CHN2: variants seen among roughly 807,000 people sequenced by gnomAD.
The protein encoded by CHN2 is chimerin 2.
Under a neutral mutation model 56.3 loss-of-function variants are expected in CHN2, and 35 were observed. That is an observed-to-expected ratio of 0.62 (90% CI 0.47 to 0.82). The LOEUF is 0.82. Among genes scored for constraint, CHN2 ranks in the 40% least tolerant of loss-of-function variants. The pLI is 0.00. For missense variants in CHN2, 491 were observed against 580.5 expected, an observed-to-expected ratio of 0.85 and a Z score of 1.58; for synonymous variants, 210 against 212.8, an observed-to-expected ratio of 0.99 and a Z score of 0.12.
In CHN2 at chr7:29,432,750, C is replaced by T. The variant is rs112732484; in HGVS notation, c.576+31922C>T. On this transcript the variant is annotated intron_variant, in intron 6 of 12. Coordinates refer to ENST00000222792, the MANE Select transcript of CHN2 (RefSeq NM_004067.4). ...CCTGGATTATTTTGGACTAGCTATG[C>T]GTCACGGGTAATCCTGGTTTATCTC... Among the ~76,000 whole-genome samples the T allele has an allele frequency of 8.6e-3, 1,306 of 152,326 alleles. 6 individuals are homozygous for T. The highest frequency in any genetic ancestry group is 0.015 in the Non-Finnish European group (1,009 of 68,036).
chr7:29,512,532 T>C (rs1286570614), intron 12 of CHN2, 32 bp from the exon 13 acceptor site: 1 of 1,573,826 alleles, frequency 6.4e-7, no homozygotes, highest in East Asian at 2.3e-5. Flanking sequence ...CAAGTCTCCA[T>C]AATGTCTCTG....
chr7:29,254,917 A>G (rs1402080132), intron 1 of CHN2, among the ~76,000 whole-genome samples: 2 of 152,202 alleles, frequency 1.3e-5, no homozygotes, highest in Non-Finnish European at 2.9e-5. Flanking sequence ...AGAGTGCTCA[A>G]CTAGCAACAC....
At chr7:29,360,937 T>G (rs971971673) in intron 2 of CHN2, among the ~76,000 whole-genome samples, 3 of 152,232 alleles carry the variant, frequency 2.0e-5, no homozygotes, top group Non-Finnish European at 4.4e-5. Context: ...TTTCTTAATC[T>G]GCTTTGGGTT....
At chr7:29,489,428 G>T (rs151288084) in intron 7 of CHN2, among the ~76,000 whole-genome samples, 1 of 152,208 alleles carries the variant, frequency 6.6e-6, no homozygotes. Flanking sequence ...GGAAAAAGCC[G>T]ACCAGTGAAT....
intron 9 of CHN2, 126 bp from the exon 10 acceptor site, chr7:29,504,617 TA>T (rs774674682): frequency 9.7e-5 from 60 of 618,886 alleles, no homozygotes; most frequent in Non-Finnish European, 1.4e-4. Context: ...CAGTGTGTGA[TA>T]AATAAAATCA....
intron 1 of CHN2, among the ~76,000 whole-genome samples, chr7:29,217,258 C>G (rs984532175): frequency 6.6e-6 from 1 of 152,184 alleles, no homozygotes; most frequent in African/African-American, 2.4e-5. Context: ...AGTTATCTGA[C>G]CTATTGCTCT....
At chr7:29,183,383 C>CT (rs200037874) in intron 2 of CHN2, among the ~76,000 whole-genome samples, 5,705 of 141,296 alleles carry the variant, frequency 0.04, 333 homozygotes, top group African/African-American at 0.14. Flanking sequence ...CGTGCCTAGC[C>CT]TTTTTTTTTT....
chr7:29,365,149 C>T (rs1232341749), intron 2 of CHN2, among the ~76,000 whole-genome samples: 2 of 152,220 alleles, frequency 1.3e-5, no homozygotes, highest in Non-Finnish European at 2.9e-5. Context: ...TTCCTTCTAA[C>T]AGAGATTGGT....
intron 6 of CHN2, among the ~76,000 whole-genome samples, chr7:29,451,417 A>G (rs1784392533): frequency 6.6e-6 from 1 of 152,188 alleles, no homozygotes; most frequent in African/African-American, 2.4e-5. Flanking sequence ...TTACCAGTCC[A>G]TGGCGAAATG....
At chr7:29,288,658 C>T (rs1282672419) in intron 1 of CHN2, among the ~76,000 whole-genome samples, 2 of 151,898 alleles carry the variant, frequency 1.3e-5, no homozygotes, top group South Asian at 2.1e-4. Context: ...GCAGGGAGCA[C>T]ACAGAGAGGA....
intron 2 of CHN2, among the ~76,000 whole-genome samples, chr7:29,157,337 A>T (rs1794528128): frequency 6.6e-6 from 1 of 152,134 alleles, no homozygotes; most frequent in African/African-American, 2.4e-5. Context: ...TCTCCACTCA[A>T]TGCCCAGCCC....
chr7:29,194,676 C>T (rs932771056), upstream of CHN2: 12 of 366,290 alleles, frequency 3.3e-5, no homozygotes, highest in African/African-American at 2.3e-4. Flanking sequence ...CGGCCTCCCT[C>T]TGCTCCCACC....
At chr7:29,203,467 C>CAAAAAA (rs11287820) in intron 1 of CHN2, among the ~76,000 whole-genome samples, 10 of 55,564 alleles carry the variant, frequency 1.8e-4, no homozygotes, top group Non-Finnish European at 2.3e-4. Flanking sequence ...AACTCCGTCT[C>CAAAAAA]AAAAAAAAAA....
chr7:29,207,568 T>A (rs1329302416), intron 1 of CHN2, among the ~76,000 whole-genome samples: 1 of 152,210 alleles, frequency 6.6e-6, no homozygotes, highest in Non-Finnish European at 1.5e-5. Flanking sequence ...AATTAGCTTT[T>A]TATCCAGCTT....
At position 29,301,887 on chromosome 7, in the gene CHN2, A is replaced by G. The variant is rs139350329; in HGVS notation, c.50-52738A>G. 6.9e-3 allele frequency among the ~76,000 whole-genome samples: 1,048 copies of G among 152,296 alleles called. 13 individuals are homozygous for G. The highest frequency in any genetic ancestry group is 0.024 in the African/African-American group (1,003 of 41,560). On this transcript the variant is annotated intron_variant, in intron 1 of 12. Coordinates refer to ENST00000222792, the MANE Select transcript of CHN2 (RefSeq NM_004067.4). ...AATCCCGACTTAAACATATATTTCCACTATCTTCATCGAAGCCATCTGCAG... is the reference window on the plus strand; with the variant it reads ...AATCCCGACTTAAACATATATTTCCGCTATCTTCATCGAAGCCATCTGCAG...
At chr7:29,226,299 T>G (rs39067) in intron 1 of CHN2, among the ~76,000 whole-genome samples, 119,789 of 152,144 alleles carry the variant, frequency 0.79, 47,537 homozygotes, top group East Asian at 0.94. Flanking sequence ...AAACTTCCAT[T>G]ATGTAAACTA....
intron 1 of CHN2, among the ~76,000 whole-genome samples, chr7:29,304,133 C>A (rs1392975046): frequency 1.3e-5 from 2 of 151,364 alleles, no homozygotes; most frequent in African/African-American, 2.4e-5. Flanking sequence ...GGTAGAGGGA[C>A]AAAATGAAAA....
intron 1 of CHN2, among the ~76,000 whole-genome samples, chr7:29,339,710 A>G (rs1430151007): frequency 6.6e-6 from 1 of 152,046 alleles, no homozygotes; most frequent in Non-Finnish European, 1.5e-5. Context: ...AAAATCAGCC[A>G]GGCATGATGG....
intron 1 of CHN2, chr7:29,195,552 G>A (rs1399656413): frequency 6.6e-6 from 1 of 151,106 alleles, no homozygotes; most frequent in East Asian, 2.0e-4. Context: ...AGTGGGTTAG[G>A]GGAAGAGAGG....
Sources: gnomAD v4.1 joint callset for allele counts (sites outside exome capture counted in the v4.1 genomes callset) on GRCh38, gnomAD v4.1.1 for gene constraint, MANE v1.5 for transcripts, NCBI Gene and HGNC (gene_info 2026-07-23, HGNC 2026-07-21) for gene names.